Variants in PTK2 observed in about 807,000 individuals in gnomAD.
PTK2 encodes protein tyrosine kinase 2.
A neutral mutation model predicts 150.1 loss-of-function variants in PTK2; 45 were observed. That is an observed-to-expected ratio of 0.30 (90% CI 0.24 to 0.38). PTK2 has a LOEUF of 0.38. Ranked by LOEUF, PTK2 falls within the 10% of genes least tolerant of loss-of-function variation. The pLI is 1.00. For missense variants in PTK2, 919 were observed against 1,307.3 expected, an observed-to-expected ratio of 0.70 and a Z score of 4.58; for synonymous variants, 432 against 449.2, an observed-to-expected ratio of 0.96 and a Z score of 0.48.
intron 15 of PTK2, among the ~76,000 whole-genome samples, chr8:140,761,680 C>T (rs918886078): frequency 6.6e-6 from 1 of 152,010 alleles, no homozygotes; most frequent in Non-Finnish European, 1.5e-5. Context: ...CAAATAACTA[C>T]AGTTTGTAAA....
intron 30 of PTK2, among the ~76,000 whole-genome samples, chr8:140,666,780 GAA>G (rs1480948642): frequency 1.3e-5 from 2 of 152,212 alleles, no homozygotes; most frequent in East Asian, 3.8e-4. Context: ...ACACTCAAAA[GAA>G]GTGAAAGCAG....
chr8:140,950,281 C>T (rs1415975571), intron 1 of PTK2, among the ~76,000 whole-genome samples: 4 of 152,212 alleles, frequency 2.6e-5, no homozygotes, highest in African/African-American at 4.8e-5. Context: ...GGAGAATCCC[C>T]GAGCCAGGGC....
At chr8:140,932,220 T>G (rs2100172078) in intron 1 of PTK2, among the ~76,000 whole-genome samples, 1 of 152,164 alleles carries the variant, frequency 6.6e-6, no homozygotes, top group Admixed American at 6.5e-5. Flanking sequence ...TATTTAACAT[T>G]TCTTTTTTTT....
intron 5 of PTK2, among the ~76,000 whole-genome samples, chr8:140,855,663 A>G (rs1198586611): frequency 1.3e-5 from 2 of 152,176 alleles, no homozygotes; most frequent in African/African-American, 2.4e-5. Context: ...GACTCAGAGA[A>G]AATACTAGCA....
At chr8:140,675,329 C>T (rs2100013008) in intron 28 of PTK2, 131 bp downstream of exon 31, 3 of 938,442 alleles carry the variant, frequency 3.2e-6, no homozygotes, top group Non-Finnish European at 5.0e-6. Context: ...TGGTAAACAT[C>T]GTACTTGCTG....
chr8:140,815,950 A>T (rs1197132794), intron 10 of PTK2, among the ~76,000 whole-genome samples: 1 of 152,188 alleles, frequency 6.6e-6, no homozygotes, highest in East Asian at 1.9e-4. Context: ...TGATAAATTA[A>T]AATCTAAAAC....
At position 140,748,496 on chromosome 8, in the gene PTK2, C is replaced by CAAA. The variant is rs61423469; in HGVS notation, c.1418-1639_1418-1637dup. Among the ~76,000 whole-genome samples, 168 of 111,524 alleles carry CAAA rather than the reference C, an allele frequency of 1.5e-3. 2 individuals are homozygous for CAAA. The highest frequency in any genetic ancestry group is 4.3e-3 in the African/African-American group (132 of 30,644). 73.2% of individuals were successfully genotyped at this position (111,524 alleles called of 152,430 possible). A position where few individuals can be genotyped will look rare whatever the true frequency, so the allele number is the denominator to read the frequency against. On this transcript the variant is annotated intron_variant, in intron 17 of 31. Coordinates refer to ENST00000522684, the Ensembl canonical transcript of PTK2. ...TGGGCGACAGACTGAGACTCTGTCTCAAAAAAAAAAAAAAAAAAAAAGTTT... is the reference window on the plus strand; with the variant it reads ...TGGGCGACAGACTGAGACTCTGTCTCAAAAAAAAAAAAAAAAAAAAAAAAGTTT...
intron 5 of PTK2, among the ~76,000 whole-genome samples, chr8:140,864,043 T>C (rs1002598342): frequency 2.0e-5 from 3 of 152,242 alleles, no homozygotes; most frequent in Middle Eastern, 3.2e-3. Context: ...GCATAATAAT[T>C]GTATTTAAAT....
At chr8:140,712,411 G>A (rs1167780382) in intron 23 of PTK2, among the ~76,000 whole-genome samples, 1 of 152,148 alleles carries the variant, frequency 6.6e-6, no homozygotes, top group Non-Finnish European at 1.5e-5. Context: ...GGAAAAGGGA[G>A]GAGTATTTTG....
At chr8:140,686,988 T>C (rs2100020305) in intron 26 of PTK2, 1 of 335,100 alleles carries the variant, frequency 3.0e-6, no homozygotes, top group South Asian at 4.1e-5. Flanking sequence ...GGCTTTCTTC[T>C]TCACTGAGAT....
chr8:140,851,233 A>G (rs1048903985), intron 5 of PTK2, among the ~76,000 whole-genome samples: 9 of 152,210 alleles, frequency 5.9e-5, no homozygotes, highest in Non-Finnish European at 1.3e-4. Context: ...CCTCTTTCAT[A>G]CCTAAGCTAT....
chr8:140,705,556 G>GTATGCACCTCTC (rs1001339791), intron 24 of PTK2, among the ~76,000 whole-genome samples: 2 of 152,162 alleles, frequency 1.3e-5, no homozygotes, highest in African/African-American at 4.8e-5. Flanking sequence ...ATGCACTGGG[G>GTATGCACCTCTC]TATGCACCTC....
chr8:140,713,733 T>C (rs1411882451), intron 23 of PTK2, among the ~76,000 whole-genome samples: 1 of 152,208 alleles, frequency 6.6e-6, no homozygotes, highest in Non-Finnish European at 1.5e-5. Context: ...CATGCAGGGC[T>C]TGTCTCAGGG....
intron 14 of PTK2, among the ~76,000 whole-genome samples, chr8:140,768,352 T>C (rs2100073585): frequency 6.6e-6 from 1 of 152,212 alleles, no homozygotes; most frequent in African/African-American, 2.4e-5. Flanking sequence ...ATTCATAGTA[T>C]TGAGAAATTC....
intron 10 of PTK2, among the ~76,000 whole-genome samples, chr8:140,813,187 A>G (rs2100102617): frequency 6.6e-6 from 1 of 152,226 alleles, no homozygotes; most frequent in African/African-American, 2.4e-5. Context: ...CCATTCCCTC[A>G]GAGCACAGCA....
intron 2 of PTK2, among the ~76,000 whole-genome samples, chr8:140,912,748 C>T (rs4357336): frequency 0.42 from 63,309 of 151,802 alleles, 15,125 homozygotes; most frequent in Non-Finnish European, 0.55. Context: ...ATCACAACAT[C>T]AGGAGTTCGA....
At chr8:140,729,419 C>T (rs1420773415) in intron 22 of PTK2, among the ~76,000 whole-genome samples, 5 of 152,154 alleles carry the variant, frequency 3.3e-5, no homozygotes, top group African/African-American at 1.2e-4. Context: ...ATCGGCTCCC[C>T]ACTGTATGTG....
In PTK2 at chr8:140,752,189, TAGAA is replaced by T. The variant is rs769460711; in HGVS notation, c.1417+39_1417+42del. ...TCAGAGACAGTTTGGATTTCACAGA[TAGAA>T]AGTCAAATGGAGTTCCACAGAAATT... On this transcript the variant is annotated intron_variant, in intron 17 of 31. Transcript: ENST00000522684. The T allele has an allele frequency of 2.7e-6, 4 of 1,487,018 alleles. No individual in the cohort carries two copies. The African/African-American group carries it at 5.6e-5, about 21-fold the overall frequency. 92.1% of individuals were successfully genotyped at this position (1,487,018 alleles called of 1,614,324 possible).
chr8:140,843,174 T>C (rs2154604008), intron 7 of PTK2, among the ~76,000 whole-genome samples: 1 of 152,274 alleles, frequency 6.6e-6, no homozygotes, highest in Non-Finnish European at 1.5e-5. Flanking sequence ...AGTGCAAAAT[T>C]TGACTCTCAT....
Sources: gnomAD v4.1 joint callset for allele counts (sites outside exome capture counted in the v4.1 genomes callset) on GRCh38, gnomAD v4.1.1 for gene constraint, MANE v1.5 for transcripts, NCBI Gene and HGNC (gene_info 2026-07-23, HGNC 2026-07-21) for gene names.